EP400: variants seen among roughly 807,000 people sequenced by gnomAD.
EP400 encodes the protein E1A-binding protein p400.
In EP400, 105 loss-of-function variants were observed where a neutral mutation model predicts 354.1. That is an observed-to-expected ratio of 0.30 (90% CI 0.25 to 0.35). EP400 has a LOEUF of 0.35. Ranked by LOEUF, EP400 falls within the 10% of genes least tolerant of loss-of-function variation. The probability of loss-of-function intolerance (pLI) is 1.00; values close to 1 mark genes in which losing one functional copy is unlikely to be tolerated. For synonymous variants in EP400, 1,646 were observed against 1,716.9 expected (o/e 0.96, Z 1.02); for missense variants, 3,280 against 4,121.0 (o/e 0.80, Z 5.59).
intron 1 of EP400, among the ~76,000 whole-genome samples, 153 bp from the exon 2 acceptor site, chr12:131,960,432 C>T (rs1891839954): frequency 6.6e-6 from 1 of 152,232 alleles, no homozygotes; most frequent in African/African-American, 2.4e-5. Context: ...GGACACATTT[C>T]TCCAGCTGTG....
At position 132,037,903 on chromosome 12, in the gene EP400, A is replaced by G; in HGVS notation, c.6064-50A>G. On this transcript the variant is annotated intron_variant, in intron 31 of 52. Transcript: ENST00000389561. The stretch of plus-strand genomic sequence containing the variant: ...GGCTTAGGTCTCCAGCTGAGGTCAG[A>G]TGCACACTTGGACCTTGTACTGGGG... 4 of 1,613,312 alleles carry G rather than the reference A, an allele frequency of 2.5e-6. No homozygotes were observed. In the South Asian group the frequency reaches 3.3e-5, roughly 13 times the overall value.
intron 1 of EP400, among the ~76,000 whole-genome samples, chr12:131,953,048 C>T (rs1354394820): frequency 2.0e-5 from 3 of 152,024 alleles, no homozygotes; most frequent in African/African-American, 2.4e-5. Context: ...TCAGTGAGGG[C>T]GATATCTCCA....
At position 132,062,545 on chromosome 12, in the gene EP400, A is replaced by C. The variant is rs7974276; in HGVS notation, c.8178A>C (p.Gln2726His). 1 of 1,299,620 alleles carries C rather than the reference A, an allele frequency of 7.7e-7. No individual in the cohort carries two copies. The highest frequency in any genetic ancestry group is 2.8e-5 in the East Asian group (1 of 36,096). 80.5% of individuals were successfully genotyped at this position (1,299,620 alleles called of 1,614,324 possible). A position where few individuals can be genotyped will look rare whatever the true frequency, so the allele number is the denominator to read the frequency against. The change falls in exon 47 of 53, where the codon CAA (glutamine) becomes CAC (histidine). Residue 2726 changes from glutamine to histidine, a missense_variant. By Grantham distance (24) the Gln-to-His change is conservative. Around this residue, in one of 20 missense-constraint regions of EP400, gnomAD observed 11 missense variants for 34.5 expected, o/e 0.32. Coordinates refer to ENST00000389561, the MANE Select transcript of EP400 (RefSeq NM_015409.5). ...TCAGGCAGCAGCAGCAGCAGCAGCAACAACAGCAGCAGCAGCAGCAGCAGC... is the reference window on the plus strand; with the variant it reads ...TCAGGCAGCAGCAGCAGCAGCAGCACCAACAGCAGCAGCAGCAGCAGCAGC... ...QLLRQQQQQQ[Q>H]QQQQQQQQQQ...
Position 131,987,905 on chromosome 12 carries a change from G to T in EP400, c.2409+15G>T, listed in dbSNP as rs1236528764. 1 of 1,595,942 alleles carries T rather than the reference G, an allele frequency of 6.3e-7. No individual in the cohort carries two copies. Among genetic ancestry groups the T allele is most frequent in the East Asian group, 2.3e-5 (1 of 44,436 alleles). On this transcript the variant is annotated intron_variant, in intron 7 of 52. Coordinates refer to ENST00000389561, the MANE Select transcript of EP400 (RefSeq NM_015409.5). ...CTGCGAAGAAGGTGGGTTGGAATGC[G>T]TGGAGCTGCTGTGCTGTGTGCGTTG... is the stretch of plus-strand genomic sequence containing the variant.
At chr12:132,010,821 A>C (rs1893739479) in intron 15 of EP400, among the ~76,000 whole-genome samples, 1 of 152,288 alleles carries the variant, frequency 6.6e-6, no homozygotes, top group African/African-American at 2.4e-5. Flanking sequence ...GTGTGCCTGT[A>C]ATCCCAGCTA....
chr12:132,060,658 C>G (rs1308950685), intron 45 of EP400, among the ~76,000 whole-genome samples: 1 of 152,146 alleles, frequency 6.6e-6, no homozygotes, highest in Admixed American at 6.5e-5. Context: ...TGGCCCACAC[C>G]TATAATCCCA....
At position 131,992,164 on chromosome 12, in the gene EP400, T is replaced by G. The variant is rs1222179804; in HGVS notation, c.2680-9T>G. ...CTCATGCTTGTGGTTTTTCTTTCTTTTCTTTCAGGATTCAGGAATGTCTGG... is the reference window on the plus strand; with the variant it reads ...CTCATGCTTGTGGTTTTTCTTTCTTGTCTTTCAGGATTCAGGAATGTCTGG... On this transcript the variant is annotated splice_polypyrimidine_tract_variant and intron_variant, in intron 10 of 52. Coordinates refer to ENST00000389561, the MANE Select transcript of EP400 (RefSeq NM_015409.5). The G allele has an allele frequency of 6.2e-7, 1 of 1,605,634 alleles. No individual in the cohort carries two copies. The highest frequency in any genetic ancestry group is 1.1e-5 in the South Asian group (1 of 91,086).
At chr12:132,076,418 G>T in intron 51 of EP400, 98 bp from the exon 52 acceptor site, 1 of 1,223,432 alleles carries the variant, frequency 8.2e-7, no homozygotes, top group Non-Finnish European at 1.2e-6. Context: ...TGGTCATTGT[G>T]TTTTTTGCAT....
At chr12:132,037,924 T>A in intron 31 of EP400, 29 bp from the exon 32 acceptor site, 1 of 1,614,096 alleles carries the variant, frequency 6.2e-7, no homozygotes, top group African/African-American at 1.3e-5. Context: ...GACCTTGTAC[T>A]GGGGAGTAAC....
intron 25 of EP400, among the ~76,000 whole-genome samples, chr12:132,026,626 C>G (rs984385170): frequency 6.6e-6 from 1 of 152,170 alleles, no homozygotes; most frequent in African/African-American, 2.4e-5. Flanking sequence ...ATTCCAGAAC[C>G]AGCTGCTGCA....
intron 22 of EP400, 127 bp downstream of exon 22, chr12:132,020,345 G>GCTTT: frequency 9.0e-7 from 1 of 1,107,362 alleles, no homozygotes; most frequent in Non-Finnish European, 1.2e-6. Context: ...CCACCCGCTG[G>GCTTT]CTTTCTGAAG....
rs1893127045 is a variant in EP400, at chr12:131,994,011, G to C, written c.2738-856G>C. On this transcript the variant is annotated intron_variant, in intron 11 of 52. Transcript: ENST00000389561. This position sits in a 1 kb window ranked among gnomAD's most constrained non-coding sequence, Gnocchi z 4.6. ...TCCAAAATTCCACCCTGGAAACCAA[G>C]TGATCAGAAGGCAGAAGGAATGGCA... Among the ~76,000 whole-genome samples the C allele has an allele frequency of 6.6e-6, 1 of 152,216 alleles. No individual in the cohort carries two copies.
At chr12:132,057,489 C>CGGAGAGGAATTCGAGAACGTTG (rs1305463906) in intron 45 of EP400, among the ~76,000 whole-genome samples, 3 of 152,178 alleles carry the variant, frequency 2.0e-5, no homozygotes, top group Non-Finnish European at 4.4e-5. Context: ...GGCTCCACTA[C>CGGAGAGGAATTCGAGAACGTTG]GGAGAGGAAT....
At chr12:131,983,156 C>CA (rs1407433050) in intron 5 of EP400, among the ~76,000 whole-genome samples, 2 of 152,134 alleles carry the variant, frequency 1.3e-5, no homozygotes, top group Non-Finnish European at 2.9e-5. Flanking sequence ...GACACATACT[C>CA]AGAGGTTCTG....
In EP400 at chr12:132,020,156, C is replaced by T. The variant is rs1340734438; in HGVS notation, c.4385C>T (p.Pro1462Leu). The change falls in exon 22 of 53, where the codon CCA (proline) becomes CTA (leucine). Residue 1462 changes from proline to leucine, a missense_variant. Physicochemically the swap from Pro to Leu is moderately conservative, Grantham distance 98 (BLOSUM62 -3). Around this residue, in one of 20 missense-constraint regions of EP400, gnomAD observed 342 missense variants for 342.7 expected, o/e 1.00. Coordinates refer to ENST00000389561, the MANE Select transcript of EP400 (RefSeq NM_015409.5). ...TAAPTTASAA[P>L]QGPLRGRPPI... ...GCCCCCACCACGGCCTCTGCTGCTC[C>T]ACAGGGCCCGCTTCGAGGACGGCCG... is the stretch of plus-strand genomic sequence containing the variant. 8 of 1,611,582 alleles carry T rather than the reference C, an allele frequency of 5.0e-6. No homozygotes were observed. The East Asian group carries it at 1.3e-4, about 27-fold the overall frequency.
intron 1 of EP400, among the ~76,000 whole-genome samples, chr12:131,952,355 C>T (rs185994723): frequency 6.6e-6 from 1 of 151,572 alleles, no homozygotes; most frequent in East Asian, 1.9e-4. Flanking sequence ...ACCATGTTGG[C>T]CAGGCTGGTC....
At chr12:132,009,534 A>T (rs1593343620) in intron 15 of EP400, among the ~76,000 whole-genome samples, 2 of 152,152 alleles carry the variant, frequency 1.3e-5, no homozygotes, top group East Asian at 3.8e-4. Context: ...AACAGCACCG[A>T]GGCCAGTGTG....
At chr12:131,999,135 A>G (rs1300522571) in intron 12 of EP400, among the ~76,000 whole-genome samples, 2 of 152,046 alleles carry the variant, frequency 1.3e-5, no homozygotes, top group South Asian at 4.2e-4. Flanking sequence ...TCATAACTGC[A>G]TGGTTCAAAC....
In EP400 at chr12:132,038,685, G is replaced by C. The variant is rs1486892322; in HGVS notation, c.6207+589G>C. Among the ~76,000 whole-genome samples, 1 of 152,246 alleles carries C rather than the reference G, an allele frequency of 6.6e-6. No individual in the cohort carries two copies. The highest frequency in any genetic ancestry group is 1.5e-5 in the Non-Finnish European group (1 of 68,042). ...GATAGAGGGCATGTTTGGGTCCTTT[G>C]ATTTTTCCCTTTTGGGGGTGCTGCT... On this transcript the variant is annotated intron_variant, in intron 32 of 52. Transcript: ENST00000389561. This position sits in a 1 kb window ranked among gnomAD's most constrained non-coding sequence, Gnocchi z 4.2.
Sources: gnomAD v4.1 joint callset for allele counts (sites outside exome capture counted in the v4.1 genomes callset) on GRCh38, gnomAD v4.1.1 for gene constraint, gnomAD v4.1.1 regional missense constraint, Gnocchi (gnomAD v3.1) non-coding constraint, MANE v1.5 for transcripts, NCBI Gene and HGNC (gene_info 2026-07-23, HGNC 2026-07-21) for gene names.